ARHGAP15: variants seen among roughly 807,000 people sequenced by gnomAD.
The protein encoded by ARHGAP15 is Rho GTPase activating protein 15.
Under a neutral mutation model 63.7 loss-of-function variants are expected in ARHGAP15, and 51 were observed. The ratio of observed to expected loss-of-function variants is 0.80; its 90% CI spans 0.64 to 1.01. ARHGAP15 has a LOEUF of 1.01. Among genes scored for constraint, ARHGAP15 ranks in the 50% least tolerant of loss-of-function variants. ARHGAP15 has a pLI of 0.00. For synonymous variants in ARHGAP15, 191 were observed against 193.8 expected (o/e 0.99, Z 0.12); for missense variants, 560 against 564.6 (o/e 0.99, Z 0.08).
chr2:143,679,142 A>T (rs1359396127), intron 12 of ARHGAP15, among the ~76,000 whole-genome samples: 1 of 8,058 alleles, frequency 1.2e-4, no homozygotes, highest in Non-Finnish European at 0.17. Flanking sequence ...CACAAAGGCT[A>T]AAAAAAAAAA....
intron 1 of ARHGAP15, among the ~76,000 whole-genome samples, chr2:143,139,141 T>C (rs1463450503): frequency 6.6e-6 from 1 of 152,124 alleles, no homozygotes; most frequent in African/African-American, 2.4e-5. Flanking sequence ...CACTTGATAC[T>C]TCCTCTATGA....
In ARHGAP15 at chr2:143,232,648, G is replaced by GCCCCAA. The variant is rs1693492161; in HGVS notation, c.384+3985_384+3990dup. ...TATAGACCCTGCCAGCCCTTCAGAA[G>GCCCCAA]CCCCAACCCCTATCAGTTGTCCCTT... On this transcript the variant is annotated intron_variant, in intron 5 of 13. Transcript: ENST00000295095. Among the ~76,000 whole-genome samples the GCCCCAA allele has an allele frequency of 2.6e-5, 4 of 152,064 alleles. No individual in the cohort carries two copies. The South Asian group carries it at 8.3e-4, about 32-fold the overall frequency.
At chr2:143,713,070 G>A (rs1203360845) in intron 13 of ARHGAP15, among the ~76,000 whole-genome samples, 2 of 152,178 alleles carry the variant, frequency 1.3e-5, no homozygotes, top group Non-Finnish European at 2.9e-5. Flanking sequence ...TAGCCAGTGA[G>A]TGGTTCCAGG....
chr2:143,289,970 AATACC>A (rs2105113550), intron 6 of ARHGAP15, among the ~76,000 whole-genome samples: 1 of 152,344 alleles, frequency 6.6e-6, no homozygotes, highest in East Asian at 1.9e-4. Context: ...GACTTTCTTA[AATACC>A]CAGGCAAGTT....
intron 1 of ARHGAP15, among the ~76,000 whole-genome samples, chr2:143,151,873 G>A (rs1040032680): frequency 1.3e-5 from 2 of 151,764 alleles, no homozygotes; most frequent in Admixed American, 6.6e-5. Flanking sequence ...AGAGGAAATC[G>A]TCTCTGAACC....
At chr2:143,571,012 A>T (rs1025427085) in intron 11 of ARHGAP15, among the ~76,000 whole-genome samples, 3 of 152,092 alleles carry the variant, frequency 2.0e-5, no homozygotes, top group Admixed American at 6.6e-5. Flanking sequence ...CCTGAGCTCC[A>T]CCTCTTGTCA....
At chr2:143,219,569 A>C (rs1692903914) in intron 4 of ARHGAP15, among the ~76,000 whole-genome samples, 1 of 152,180 alleles carries the variant, frequency 6.6e-6, no homozygotes, top group African/African-American at 2.4e-5. Flanking sequence ...TTCTCAGGGG[A>C]ATATTTCCAG....
At chr2:143,406,550 A>T (rs532519768) in intron 6 of ARHGAP15, among the ~76,000 whole-genome samples, 6 of 151,842 alleles carry the variant, frequency 4.0e-5, no homozygotes, top group Non-Finnish European at 7.4e-5. Flanking sequence ...TCAATCTGTC[A>T]ATTTAAGTTT....
At chr2:143,136,822 T>G (rs1053904418) in intron 1 of ARHGAP15, among the ~76,000 whole-genome samples, 2 of 152,128 alleles carry the variant, frequency 1.3e-5, no homozygotes, top group African/African-American at 4.8e-5. Flanking sequence ...TTATAAGTGA[T>G]GATTGGAAAT....
Position 143,382,119 on chromosome 2 carries a change from C to T in ARHGAP15, c.475-53482C>T, listed in dbSNP as rs186663460. 6.4e-3 allele frequency among the ~76,000 whole-genome samples: 690 copies of T among 108,190 alleles called. 4 individuals carry two copies. The highest frequency in any genetic ancestry group is 0.029 in the African/African-American group (643 of 22,058). The allele number at this position is 108,190 out of a possible 152,430, so 71.0% of individuals were successfully genotyped here. A position where few individuals can be genotyped will look rare whatever the true frequency, so the allele number is the denominator to read the frequency against. ...CTCCCTCCCTTTCCTTCCTTCCTCC[C>T]TCCCTCCTCCCTTCCTTTCTTTCTT... On this transcript the variant is annotated intron_variant, in intron 6 of 13. Transcript: ENST00000295095.
intron 13 of ARHGAP15, among the ~76,000 whole-genome samples, chr2:143,717,215 C>T (rs1171630608): frequency 6.6e-6 from 1 of 152,206 alleles, no homozygotes; most frequent in Non-Finnish European, 1.5e-5. Context: ...CTTCCAGAAG[C>T]AGCATCTGGC....
intron 2 of ARHGAP15, among the ~76,000 whole-genome samples, chr2:143,169,627 G>A (rs752130792): frequency 1.8e-4 from 28 of 152,014 alleles, no homozygotes; most frequent in Non-Finnish European, 3.4e-4. Context: ...AATGCCCCTG[G>A]GACACACCCA....
intron 3 of ARHGAP15, among the ~76,000 whole-genome samples, chr2:143,205,694 C>T (rs985219625): frequency 2.0e-5 from 3 of 152,126 alleles, no homozygotes; most frequent in African/African-American, 7.2e-5. Flanking sequence ...TCAGTGCCTT[C>T]TCAAACTGAT....
chr2:143,548,935 A>C (rs1424761645), intron 10 of ARHGAP15, among the ~76,000 whole-genome samples: 2 of 152,130 alleles, frequency 1.3e-5, no homozygotes, highest in African/African-American at 4.8e-5. Flanking sequence ...TCAGGTAATA[A>C]AAGGAGAATT....
At chr2:143,373,906 A>G (rs1460550971) in intron 6 of ARHGAP15, among the ~76,000 whole-genome samples, 3 of 152,216 alleles carry the variant, frequency 2.0e-5, no homozygotes, top group Non-Finnish European at 4.4e-5. Flanking sequence ...TGAGTTACTC[A>G]TGAACAAGAA....
At chr2:143,589,608 A>G (rs1697246396) in intron 11 of ARHGAP15, among the ~76,000 whole-genome samples, 1 of 152,156 alleles carries the variant, frequency 6.6e-6, no homozygotes, top group African/African-American at 2.4e-5. Flanking sequence ...GCCACTTTGC[A>G]TATCATTGCC....
intron 1 of ARHGAP15, among the ~76,000 whole-genome samples, chr2:143,148,358 A>T (rs552958346): frequency 5.9e-5 from 9 of 152,170 alleles, no homozygotes; most frequent in African/African-American, 2.2e-4. Flanking sequence ...AACCTGTGGG[A>T]TGTGGCAAAG....
chr2:143,650,055 CT>C (rs958484913), intron 12 of ARHGAP15, among the ~76,000 whole-genome samples: 1 of 150,884 alleles, frequency 6.6e-6, no homozygotes, highest in Non-Finnish European at 1.5e-5. Context: ...GGTTTTTTTT[CT>C]TCTTTTAAAT....
intron 12 of ARHGAP15, among the ~76,000 whole-genome samples, chr2:143,646,277 AAAG>A (rs969176464): frequency 6.6e-6 from 1 of 152,084 alleles, no homozygotes; most frequent in Non-Finnish European, 1.5e-5. Flanking sequence ...GTTTCATATG[AAAG>A]AAGAAGGTGG....
Sources: allele counts gnomAD v4.1 joint callset (sites outside exome capture counted in the v4.1 genomes callset), GRCh38; gene constraint gnomAD v4.1.1; transcripts MANE v1.5; gene names NCBI Gene and HGNC (gene_info 2026-07-23, HGNC 2026-07-21).